Variants in SPINK5 observed in about 807,000 individuals in gnomAD.
SPINK5 encodes serine peptidase inhibitor Kazal type 5, also known as serine protease inhibitor Kazal-type 5.
In SPINK5, 125 loss-of-function variants were observed where a neutral mutation model predicts 151.8. The observed-to-expected ratio is 0.82, with a 90% confidence interval of 0.71 to 0.96. SPINK5 has a LOEUF of 0.96. SPINK5 is among the 40% of genes least tolerant of loss of function. SPINK5 has a pLI of 0.00. For synonymous variants in SPINK5, 374 were observed against 395.3 expected, an observed-to-expected ratio of 0.95 and a Z score of 0.64; for missense variants, 1,194 against 1,291.9, an observed-to-expected ratio of 0.92 and a Z score of 1.16.
chr5:148,091,259 T>C, intron 8 of SPINK5, 31 bp downstream of exon 8: 1 of 1,599,994 alleles, frequency 6.3e-7, no homozygotes, highest in Non-Finnish European at 8.6e-7. Context: ...AATTTTGTTC[T>C]TGTGGCCATA....
intron 24 of SPINK5, 128 bp from the exon 25 acceptor site, chr5:148,119,881 C>A: frequency 1.1e-6 from 1 of 950,882 alleles, no homozygotes; most frequent in Non-Finnish European, 1.6e-6. Context: ...CTCTGTGGGA[C>A]ATTATTTTGC....
intron 29 of SPINK5, among the ~76,000 whole-genome samples, chr5:148,126,316 G>A (rs1754429937): frequency 6.6e-6 from 1 of 151,926 alleles, no homozygotes; most frequent in Non-Finnish European, 1.5e-5. Context: ...AAATGATGAT[G>A]ATGATGATGA....
At chr5:148,129,563 A>G (rs996894442) in intron 30 of SPINK5, among the ~76,000 whole-genome samples, 2 of 152,190 alleles carry the variant, frequency 1.3e-5, no homozygotes, top group African/African-American at 4.8e-5. Flanking sequence ...TGAACATTAT[A>G]GCACCAGTTA....
intron 2 of SPINK5, among the ~76,000 whole-genome samples, chr5:148,067,586 A>G (rs539327784): frequency 3.3e-5 from 5 of 152,252 alleles, no homozygotes; most frequent in African/African-American, 1.2e-4. Flanking sequence ...TACATTGGAT[A>G]ATTTCATAAC....
Position 148,135,042 on chromosome 5 carries a change from C to G in SPINK5, c.3186+1155C>G, listed in dbSNP as rs563457565. On this transcript the variant is annotated intron_variant, in intron 32 of 32. Transcript: ENST00000256084. ...CAGCTGAAAGCAATGTAGAGGAAGC[C>G]GAGGACTGGAATGAAATCAGAAGAC... Among the ~76,000 whole-genome samples, 65 of 152,098 alleles carry G rather than the reference C, an allele frequency of 4.3e-4. 2 individuals are homozygous for G. In the South Asian group the frequency reaches 0.013, roughly 31 times the overall value.
At chr5:148,088,259 C>G (rs1753212103) in intron 5 of SPINK5, among the ~76,000 whole-genome samples, 1 of 151,664 alleles carries the variant, frequency 6.6e-6, no homozygotes, top group Non-Finnish European at 1.5e-5. Flanking sequence ...TTACTTTTCC[C>G]CATCTTCTGA....
intron 4 of SPINK5, among the ~76,000 whole-genome samples, chr5:148,084,445 G>C (rs1753101333): frequency 6.6e-6 from 1 of 151,830 alleles, no homozygotes; most frequent in Admixed American, 6.6e-5. Flanking sequence ...CCACCACCTA[G>C]GGGTTTGGAG....
chr5:148,097,254 C>T (rs1375599827), intron 10 of SPINK5, among the ~76,000 whole-genome samples: 1 of 151,928 alleles, frequency 6.6e-6, no homozygotes, highest in Non-Finnish European at 1.5e-5. Context: ...TTATAATTTT[C>T]CCATTGCCTA....
chr5:148,086,416 T>C lies in SPINK5; in HGVS notation c.294T>C (p.Asp98=). 1.4e-5 allele frequency: 22 copies of C among 1,611,114 alleles called. No homozygotes were observed. The highest frequency in any genetic ancestry group is 1.9e-5 in the Non-Finnish European group (22 of 1,178,496). The stretch of plus-strand genomic sequence containing the variant: ...CATGTCTTTTGCAGCTGAATTGTGA[T>C]GATTTTAAAAAAGGAGAAAGAGATG... The part of the protein sequence containing the change: ...KATAPTELNC[D]DFKKGERDGD... The change falls in exon 5 of 33, where the codon GAT becomes GAC. Residue 98 remains aspartate (D), a synonymous_variant. Transcript: ENST00000256084.
rs10680228 is a variant in SPINK5, at chr5:148,091,769, TA to T, written c.666+554del. Among the ~76,000 whole-genome samples the T allele has an allele frequency of 5.0e-3, 736 of 146,022 alleles. 5 individuals are homozygous for T. The highest frequency in any genetic ancestry group is 0.016 in the African/African-American group (650 of 40,040). On this transcript the variant is annotated intron_variant, in intron 8 of 32. Transcript: ENST00000256084. ...ATTTATAAAGGTCTTGATTCTGCTT[TA>T]AAAAAAAAAAAAGACAAATTTTTAG...
At chr5:148,087,581 G>A (rs956069681) in intron 5 of SPINK5, among the ~76,000 whole-genome samples, 17 of 151,742 alleles carry the variant, frequency 1.1e-4, no homozygotes, top group South Asian at 2.1e-4. Context: ...GAAAACAAAC[G>A]TAGATATATG....
chr5:148,105,124 T>C, intron 16 of SPINK5, 124 bp downstream of exon 16: 1 of 1,094,566 alleles, frequency 9.1e-7, no homozygotes, highest in Admixed American at 2.2e-5. Flanking sequence ...ATGAAGAACA[T>C]TTTTAACCTG....
intron 17 of SPINK5, 118 bp downstream of exon 17, chr5:148,107,282 A>T: frequency 7.2e-7 from 1 of 1,384,362 alleles, no homozygotes; most frequent in Non-Finnish European, 1.0e-6. Context: ...AAAGGTTTAC[A>T]AGCAGATGGA....
chr5:148,136,415 G>C (rs1254585696), intron 32 of SPINK5, among the ~76,000 whole-genome samples: 1 of 151,998 alleles, frequency 6.6e-6, no homozygotes, highest in Non-Finnish European at 1.5e-5. Context: ...TGCCCCAGGT[G>C]GTACTAGTTG....
chr5:148,101,434 G>A lies in SPINK5; in HGVS notation c.1300G>A (p.Glu434Lys), dbSNP rs1384231155. ...KRQSKSTASFEELCSEYRKSR... is the reference protein window; with the variant it reads ...KRQSKSTASFKELCSEYRKSR... ...ACAATCTAAGAGTACAGCTTCCTTT[G>A]AGGTGAGTTTATATCCTCCAGCAAC... Residue 434 changes from glutamate (E) to lysine (K), a missense_variant and splice_region_variant, in exon 14 of 33, where the codon GAG (glutamate) becomes AAG (lysine). Glu to Lys is a moderately conservative substitution (Grantham distance 56, BLOSUM62 1). Transcript: ENST00000256084. 1 of 1,608,840 alleles carries A rather than the reference G, an allele frequency of 6.2e-7. No individual in the cohort carries two copies. Among genetic ancestry groups the A allele is most frequent in the African/African-American group, 1.3e-5 (1 of 74,848 alleles).
At chr5:148,094,777 G>A (rs1345183865) in intron 9 of SPINK5, among the ~76,000 whole-genome samples, 3 of 151,906 alleles carry the variant, frequency 2.0e-5, no homozygotes, top group East Asian at 1.9e-4. Flanking sequence ...ACTAATTCTA[G>A]TATAGAATGG....
At chr5:148,085,464 G>C (rs759749884) in intron 4 of SPINK5, among the ~76,000 whole-genome samples, 4 of 151,920 alleles carry the variant, frequency 2.6e-5, no homozygotes, top group African/African-American at 9.7e-5. Flanking sequence ...GCTAGGTTAT[G>C]TCACAATAAT....
chr5:148,077,637 G>GTA (rs71001472), intron 4 of SPINK5, among the ~76,000 whole-genome samples: 61,952 of 134,814 alleles, frequency 0.46, 13,978 homozygotes, highest in Admixed American at 0.51. Context: ...GTTTTATCAG[G>GTA]TATATATATA....
chr5:148,123,374 C>T (rs566245154), intron 26 of SPINK5, among the ~76,000 whole-genome samples: 134 of 80,168 alleles, frequency 1.7e-3, no homozygotes, highest in African/African-American at 6.0e-3. Flanking sequence ...ATATTATATA[C>T]ATAACAAGAT....
Sources: allele counts gnomAD v4.1 joint callset (sites outside exome capture counted in the v4.1 genomes callset), GRCh38; gene constraint gnomAD v4.1.1; transcripts MANE v1.5; gene names NCBI Gene and HGNC (gene_info 2026-07-23, HGNC 2026-07-21).